GRIN2A: variants seen among roughly 807,000 people sequenced by gnomAD.
GRIN2A encodes the protein glutamate receptor ionotropic, NMDA 2A.
In GRIN2A, 22 loss-of-function variants were observed where a neutral mutation model predicts 113.4. The ratio of observed to expected loss-of-function variants is 0.19; its 90% CI spans 0.14 to 0.28. GRIN2A has a LOEUF of 0.28. Ranked by LOEUF, GRIN2A falls within the 10% of genes least tolerant of loss-of-function variation. GRIN2A has a pLI of 1.00. For missense variants in GRIN2A, 1,502 were observed against 1,887.0 expected (o/e 0.80, Z 3.78); for synonymous variants, 827 against 738.4 (o/e 1.12, Z -1.94).
intron 11 of GRIN2A, among the ~76,000 whole-genome samples, chr16:9,783,161 A>G (rs1033412364): frequency 6.6e-6 from 1 of 152,202 alleles, no homozygotes; most frequent in Non-Finnish European, 1.5e-5. Flanking sequence ...GTTTATGTAC[A>G]TGCAAAAGTC....
At chr16:9,918,616 C>A (rs1192774134) in intron 3 of GRIN2A, among the ~76,000 whole-genome samples, 2 of 152,066 alleles carry the variant, frequency 1.3e-5, no homozygotes, top group Non-Finnish European at 2.9e-5. Context: ...CAAATTATGT[C>A]CATTGAGAAG....
intron 9 of GRIN2A, among the ~76,000 whole-genome samples, chr16:9,826,405 A>C (rs1218249138): frequency 3.3e-5 from 5 of 152,170 alleles, no homozygotes; most frequent in African/African-American, 1.2e-4. Context: ...CCTATTTATA[A>C]TTTAAGTCCC....
chr16:10,107,501 C>G (rs1276873312), intron 2 of GRIN2A, among the ~76,000 whole-genome samples: 2 of 152,206 alleles, frequency 1.3e-5, no homozygotes, highest in African/African-American at 4.8e-5. Context: ...TCATGGAGTC[C>G]TGCAGCCTTT....
chr16:10,148,234 T>G (rs1360913744), intron 2 of GRIN2A, among the ~76,000 whole-genome samples: 1 of 152,190 alleles, frequency 6.6e-6, no homozygotes, highest in Non-Finnish European at 1.5e-5. Context: ...CATTGATGCA[T>G]TATCTAGAGC....
intron 11 of GRIN2A, among the ~76,000 whole-genome samples, chr16:9,775,811 C>T (rs1467948139): frequency 6.6e-6 from 1 of 152,192 alleles, no homozygotes; most frequent in Non-Finnish European, 1.5e-5. Flanking sequence ...CCAGTCATGG[C>T]CCCCTGATTG....
chr16:10,142,553 C>G (rs989368636), intron 2 of GRIN2A, among the ~76,000 whole-genome samples: 2 of 152,026 alleles, frequency 1.3e-5, no homozygotes, highest in Non-Finnish European at 1.5e-5. Flanking sequence ...ATTACCCGGG[C>G]ATGGTGGTGT....
chr16:9,973,810 T>G (rs1051222469), intron 2 of GRIN2A, among the ~76,000 whole-genome samples: 1 of 152,104 alleles, frequency 6.6e-6, no homozygotes, highest in Non-Finnish European at 1.5e-5. Context: ...ATTCTATAAT[T>G]AGTGAAAATG....
In GRIN2A at chr16:9,760,225, T is replaced by G. The variant is rs77580194; in HGVS notation, c.*2924A>C. On this transcript the variant is annotated 3_prime_UTR_variant, in exon 13 of 13. Coordinates refer to ENST00000330684, the MANE Select transcript of GRIN2A (RefSeq NM_001134407.3). ...GTCTCAGGCTTCCAGGCTTCCTATT[T>G]AATTCTTGTTACTTCTCATACTGTG... The G allele has an allele frequency of 0.01, 2,360 of 227,802 alleles. 13 individuals carry two copies. Among genetic ancestry groups the G allele is most frequent in the Admixed American group, 0.017 (307 of 17,646 alleles). The allele number at this position is 227,802 out of a possible 1,614,324, so 14.1% of individuals were successfully genotyped here. A position where few individuals can be genotyped will look rare whatever the true frequency, so the allele number is the denominator to read the frequency against.
At chr16:10,182,847 G>C (rs565947475), upstream of GRIN2A, 3 of 152,452 alleles carry the variant, frequency 2.0e-5, no homozygotes, top group Non-Finnish European at 4.4e-5. Context: ...GAGCGCGCCG[G>C]AGCACCCTCT....
intron 2 of GRIN2A, among the ~76,000 whole-genome samples, chr16:10,064,065 A>G (rs776985724): frequency 3.3e-5 from 5 of 152,170 alleles, no homozygotes; most frequent in East Asian, 1.9e-4. Context: ...TCATTTTTCA[A>G]TGATCCTTAA....
At chr16:9,929,347 C>T (rs1291174723) in intron 3 of GRIN2A, among the ~76,000 whole-genome samples, 1 of 152,156 alleles carries the variant, frequency 6.6e-6, no homozygotes, top group East Asian at 1.9e-4. Flanking sequence ...CTCTGTTCCC[C>T]AACATTTCTT....
intron 3 of GRIN2A, among the ~76,000 whole-genome samples, chr16:9,906,869 G>T (rs1158642974): frequency 6.6e-6 from 1 of 152,172 alleles, no homozygotes; most frequent in South Asian, 2.1e-4. Flanking sequence ...TCAAGATAGG[G>T]TCTTGCTGTG....
chr16:10,139,755 G>C (rs924133200), intron 2 of GRIN2A, among the ~76,000 whole-genome samples: 2 of 152,184 alleles, frequency 1.3e-5, no homozygotes, highest in African/African-American at 4.8e-5. Context: ...ATATCAGAGA[G>C]GTTTAGGAAA....
At chr16:9,848,036 T>G (rs1177842809) in intron 5 of GRIN2A, among the ~76,000 whole-genome samples, 1 of 146,832 alleles carries the variant, frequency 6.8e-6, no homozygotes, top group Non-Finnish European at 1.5e-5. Context: ...TATGAAAATG[T>G]TTTATATATT....
chr16:9,797,441 G>C (rs1282622831), intron 11 of GRIN2A, among the ~76,000 whole-genome samples: 4 of 152,224 alleles, frequency 2.6e-5, no homozygotes, highest in Non-Finnish European at 4.4e-5. Context: ...CTATGAAGTA[G>C]AAAGGGCAGA....
intron 2 of GRIN2A, among the ~76,000 whole-genome samples, chr16:9,941,352 A>G (rs1264545972): frequency 6.6e-6 from 1 of 152,224 alleles, no homozygotes; most frequent in Non-Finnish European, 1.5e-5. Flanking sequence ...AAGCACACGC[A>G]TCTTATCTGG....
intron 2 of GRIN2A, among the ~76,000 whole-genome samples, chr16:10,148,718 T>C (rs1048811898): frequency 2.6e-5 from 4 of 152,214 alleles, no homozygotes; most frequent in Admixed American, 2.6e-4. Context: ...ATCCTACTGC[T>C]AGGCACATAT....
intron 2 of GRIN2A, among the ~76,000 whole-genome samples, chr16:10,127,314 G>A (rs193147126): frequency 1.3e-5 from 2 of 151,952 alleles, no homozygotes; most frequent in East Asian, 3.9e-4. Context: ...AATCACCTGT[G>A]AGCTGTGGCA....
At chr16:9,981,578 A>G (rs2045892491) in intron 2 of GRIN2A, among the ~76,000 whole-genome samples, 1 of 152,268 alleles carries the variant, frequency 6.6e-6, no homozygotes, top group East Asian at 1.9e-4. Context: ...TCATCTGTAA[A>G]TATTTCAGTA....
Sources: gnomAD v4.1 joint callset for allele counts (sites outside exome capture counted in the v4.1 genomes callset) on GRCh38, gnomAD v4.1.1 for gene constraint, MANE v1.5 for transcripts, NCBI Gene and HGNC (gene_info 2026-07-23, HGNC 2026-07-21) for gene names.